The following SPTA1 variants were observed in gnomAD, a reference collection of about 807,000 sequenced individuals.
The protein encoded by SPTA1 is spectrin alpha, erythrocytic 1, also known as spectrin alpha chain, erythrocytic 1.
A neutral mutation model predicts 324.7 loss-of-function variants in SPTA1; 177 were observed. The observed-to-expected ratio is 0.55, with a 90% CI of 0.48 to 0.62. SPTA1 has a LOEUF of 0.62. SPTA1 is among the 20% of genes least tolerant of loss of function. The pLI, the probability that SPTA1 is intolerant of heterozygous loss-of-function variation, is 0.00. For synonymous variants in SPTA1, 1,195 were observed against 1,041.3 expected, an observed-to-expected ratio of 1.15 and a Z score of -2.84; for missense variants, 3,162 against 2,883.6, an observed-to-expected ratio of 1.10 and a Z score of -2.21.
At position 158,671,470 on chromosome 1, in the gene SPTA1, G is replaced by A. The variant is rs41273527; in HGVS notation, c.1489-17C>T. On this transcript the variant is annotated splice_polypyrimidine_tract_variant and intron_variant, in intron 11 of 51. Transcript: ENST00000643759. ...CAGGAAGGCCTGTAGAAGACAGAAA[G>A]ACACACCTAAGCTGTGTCTGACCGG... The A allele has an allele frequency of 3.8e-5, 61 of 1,597,368 alleles. No individual in the cohort carries two copies. The highest frequency in any genetic ancestry group is 5.2e-5 in the Non-Finnish European group (61 of 1,166,366).
At chr1:158,648,450 G>A (rs1571445300) in intron 26 of SPTA1, 59 bp downstream of exon 26, 1 of 1,605,154 alleles carries the variant, frequency 6.2e-7, no homozygotes, top group Non-Finnish European at 8.5e-7. Flanking sequence ...AGAGGGCATT[G>A]GTATACGGCT....
intron 40 of SPTA1, 73 bp downstream of exon 40, chr1:158,627,552 T>C: frequency 7.1e-7 from 1 of 1,410,344 alleles, no homozygotes; most frequent in Non-Finnish European, 1.0e-6. Flanking sequence ...GCATATGATC[T>C]TAGCATTTCT....
At chr1:158,661,741 T>A (rs1653234401) in intron 17 of SPTA1, among the ~76,000 whole-genome samples, 2 of 152,242 alleles carry the variant, frequency 1.3e-5, no homozygotes, top group South Asian at 4.1e-4. Context: ...CATATTGTGA[T>A]GTACAAGGAA....
At position 158,623,141 on chromosome 1, in the gene SPTA1, T is replaced by C; in HGVS notation, c.5962A>G (p.Ile1988Val). The C allele has an allele frequency of 6.2e-7, 1 of 1,614,110 alleles. No homozygotes were observed. The highest frequency in any genetic ancestry group is 8.5e-7 in the Non-Finnish European group (1 of 1,180,034). The part of the protein sequence containing the change: ...QSFQQERLPE[I>V]TDLKDKLISA... ...ATCAGTTTGTCCTTCAGGTCAGTGA[T>C]CTCGGGAAGTCTCTCTTGCTGGAAA... Residue 1988 changes from isoleucine (I) to valine (V), a missense_variant, in exon 43 of 52, where the codon ATC becomes GTC. Coordinates refer to ENST00000643759, the MANE Select transcript of SPTA1 (RefSeq NM_003126.4).
At chr1:158,649,538 C>T (rs896170095) in intron 25 of SPTA1, among the ~76,000 whole-genome samples, 12 of 152,196 alleles carry the variant, frequency 7.9e-5, no homozygotes, top group African/African-American at 2.2e-4. Flanking sequence ...CCTCCTGCCT[C>T]GGCCACCCAA....
chr1:158,640,100 G>A, intron 33 of SPTA1, 93 bp from the exon 34 acceptor site: 2 of 1,559,358 alleles, frequency 1.3e-6, no homozygotes, highest in East Asian at 2.3e-5. Context: ...TGTGAAGGCA[G>A]GAACTAGCCA....
intron 24 of SPTA1, among the ~76,000 whole-genome samples, chr1:158,650,656 G>T (rs879653269): frequency 3.9e-5 from 6 of 152,074 alleles, no homozygotes; most frequent in Non-Finnish European, 8.8e-5. Flanking sequence ...TATCTGCATT[G>T]TCTTTGAATT....
chr1:158,623,964 G>C (rs180846597), intron 42 of SPTA1, among the ~76,000 whole-genome samples: 1 of 152,162 alleles, frequency 6.6e-6, no homozygotes, highest in Non-Finnish European at 1.5e-5. Flanking sequence ...AGCCAAAAGG[G>C]GCCAAGGTGC....
chr1:158,632,458 A>C (rs527951778), intron 39 of SPTA1, among the ~76,000 whole-genome samples: 1 of 152,230 alleles, frequency 6.6e-6, no homozygotes, highest in African/African-American at 2.4e-5. Flanking sequence ...TTGTCACAAT[A>C]AAACAAATCA....
In SPTA1 at chr1:158,669,578, A is replaced by G. The variant is rs1330680412; in HGVS notation, c.1678-15T>C. ...CGGGCTAACAGCTGCAAAAACCATG[A>G]GTAAACTTACTGTCAGCACAACCAA... is the stretch of plus-strand genomic sequence containing the variant. On this transcript the variant is annotated splice_polypyrimidine_tract_variant and intron_variant, in intron 13 of 51. Transcript: ENST00000643759. 5 of 1,614,028 alleles carry G rather than the reference A, an allele frequency of 3.1e-6. No individual in the cohort carries two copies. The highest frequency in any genetic ancestry group is 2.7e-5 in the African/African-American group (2 of 74,932).
intron 22 of SPTA1, 118 bp from the exon 23 acceptor site, chr1:158,652,771 C>G: frequency 8.4e-7 from 1 of 1,196,950 alleles, no homozygotes; most frequent in Non-Finnish European, 1.2e-6. Context: ...AAATCAAAAG[C>G]AAAAGAATAG....
At chr1:158,643,293 G>C in intron 31 of SPTA1, 29 bp downstream of exon 31, 1 of 1,610,842 alleles carries the variant, frequency 6.2e-7, no homozygotes, top group Non-Finnish European at 8.5e-7. Context: ...ATCTTCCTTT[G>C]GCACATAAAA....
chr1:158,626,886 G>C lies in SPTA1; in HGVS notation c.5786C>G (p.Ala1929Gly), dbSNP rs199547344. Residue 1929 changes from alanine to glycine, a missense_variant, in exon 41 of 52, where the codon GCC (alanine) becomes GGC (glycine). Transcript: ENST00000643759. ...AGCCTTCCAGTTGAATTCCTGAAAG[G>C]CATAATCGTCTTCCAATTGCAACTT... Reference protein sequence around the residue: ...AWKLQLEDDYAFQEFNWKADV... With the variant: ...AWKLQLEDDYGFQEFNWKADV... The C allele has an allele frequency of 4.0e-4, 643 of 1,613,836 alleles. 7 individuals are homozygous for C. In the South Asian group the frequency reaches 6.0e-3, roughly 15 times the overall value.
chr1:158,651,916 TGTGTGTGCGC>T (rs1652470218), intron 23 of SPTA1, among the ~76,000 whole-genome samples: 1 of 151,736 alleles, frequency 6.6e-6, no homozygotes, highest in Non-Finnish European at 1.5e-5. Flanking sequence ...TCTCTGTGTG[TGTGTGTGCGC>T]GTGTGTGTGT....
rs1654840941 is a variant in SPTA1 at position 158,681,817 on chromosome 1, G to A, written c.391-150C>T. The A allele has an allele frequency of 1.1e-5, 12 of 1,044,710 alleles. No homozygotes were observed. The South Asian group carries it at 1.6e-4, about 14-fold the overall frequency. The allele number at this position is 1,044,710 out of a possible 1,614,324, so 64.7% of individuals were successfully genotyped here. ...AACAAACATTTAAAAGAGGAAATAGGATAGATATATGGAAATAGCTAACAA... is the reference window on the plus strand; with the variant it reads ...AACAAACATTTAAAAGAGGAAATAGAATAGATATATGGAAATAGCTAACAA... On this transcript the variant is annotated intron_variant, in intron 3 of 51. Transcript: ENST00000643759.
chr1:158,619,762 C>T (rs768002863), intron 44 of SPTA1, among the ~76,000 whole-genome samples: 1 of 152,136 alleles, frequency 6.6e-6, no homozygotes, highest in Non-Finnish European at 1.5e-5. Flanking sequence ...CAATAATGAA[C>T]ATTATTAACA....
At position 158,674,539 on chromosome 1, in the gene SPTA1, C is replaced by T; in HGVS notation, c.1248+1G>A. ...CCTACTGGGCAGCCTTTCTTCTCTA[C>T]CTTATGCTGCTGATGCCTGTCCAGC... On this transcript the variant is annotated splice_donor_variant, in intron 9 of 51. Transcript: ENST00000643759. LOFTEE classifies it high-confidence loss of function. The T allele has an allele frequency of 6.2e-7, 1 of 1,614,108 alleles. No individual in the cohort carries two copies. The highest frequency in any genetic ancestry group is 8.5e-7 in the Non-Finnish European group (1 of 1,179,994).
chr1:158,649,461 T>G (rs879810694), intron 25 of SPTA1, among the ~76,000 whole-genome samples: 4 of 152,152 alleles, frequency 2.6e-5, no homozygotes, highest in Admixed American at 6.5e-5. Flanking sequence ...TCATTTTTTA[T>G]TTTTTTGTGG....
intron 42 of SPTA1, 96 bp from the exon 43 acceptor site, chr1:158,623,288 G>A: frequency 1.9e-6 from 2 of 1,043,668 alleles, no homozygotes; most frequent in Admixed American, 1.7e-5. Context: ...ATAAGGCTAG[G>A]CAAGAATTAA....
Sources: allele counts gnomAD v4.1 joint callset (sites outside exome capture counted in the v4.1 genomes callset), GRCh38; gene constraint gnomAD v4.1.1; transcripts MANE v1.5; gene names NCBI Gene and HGNC (gene_info 2026-07-23, HGNC 2026-07-21).